Variants in LRRC55 observed in about 807,000 individuals in gnomAD.
LRRC55 encodes leucine-rich repeat-containing protein 55.
LRRC55 carries 11 observed loss-of-function variants against 20.5 expected under a neutral mutation model. That is an observed-to-expected ratio of 0.54 (90% confidence interval 0.34 to 0.89). The LOEUF is 0.89. Ranked by LOEUF, LRRC55 falls within the 40% of genes least tolerant of loss-of-function variation. The pLI is 0.02. For missense variants in LRRC55, 358 were observed against 390.9 expected, an observed-to-expected ratio of 0.92 and a Z score of 0.71; for synonymous variants, 188 against 166.6, an observed-to-expected ratio of 1.13 and a Z score of -0.99.
At chr11:57,183,654 T>C (rs578186197) in intron 1 of LRRC55, among the ~76,000 whole-genome samples, 1 of 152,314 alleles carries the variant, frequency 6.6e-6, no homozygotes, top group Non-Finnish European at 1.5e-5. Flanking sequence ...CTCCAAGACC[T>C]GGATCTCAGC....
rs142633236 is a variant in LRRC55 at position 57,187,447 on chromosome 11, C to G, written c.864C>G (p.Arg288=). 9.9e-6 allele frequency: 16 copies of G among 1,614,176 alleles called. No individual in the cohort carries two copies. Among genetic ancestry groups the G allele is most frequent in the Non-Finnish European group, 1.4e-5 (16 of 1,180,032 alleles). ...GCATCACTGCCAACTGCTGCCACCG[C>G]TGGAGCAAGGCCAGTGAAGAGGAAG... is the stretch of plus-strand genomic sequence containing the variant. ...LLGITANCCH[R]WSKASEEEEI Residue 288 remains arginine, a synonymous_variant, in exon 2 of 2, where the codon CGC becomes CGG. Transcript: ENST00000497933.
chr11:57,184,492 G>A (rs1230669262), intron 1 of LRRC55, among the ~76,000 whole-genome samples: 2 of 152,210 alleles, frequency 1.3e-5, no homozygotes, highest in African/African-American at 4.8e-5. Flanking sequence ...AGCAGTCCCA[G>A]CTGGAAAGCC....
rs1213190541 is a variant in LRRC55 at position 57,182,438 on chromosome 11, TA to T, written c.417del (p.Val140SerfsTer5). The T allele has an allele frequency of 1.2e-6, 2 of 1,612,358 alleles. No homozygotes were observed. Among genetic ancestry groups the T allele is most frequent in the Non-Finnish European group, 8.5e-7 (1 of 1,179,994 alleles). ...PADMFQEAHG[L>X]VHIDLSHNPW... is the part of the protein sequence containing the mutation. ...GACATGTTCCAGGAGGCCCATGGGC[TA>T]GTCCACATCGACCTGAGCCACAACC... On this transcript the variant is annotated frameshift_variant, in exon 1 of 2. Coordinates refer to ENST00000497933, the MANE Select transcript of LRRC55 (RefSeq NM_001005210.4). LOFTEE classifies it high-confidence loss of function.
At chr11:57,182,767 T>A in intron 1 of LRRC55, 84 bp downstream of exon 1, 1 of 1,356,358 alleles carries the variant, frequency 7.4e-7, no homozygotes. Context: ...CGGGGGAACT[T>A]AGAGCCAGAA....
intron 1 of LRRC55, among the ~76,000 whole-genome samples, chr11:57,185,775 C>T (rs1396898126): frequency 2.6e-5 from 4 of 152,140 alleles, no homozygotes; most frequent in African/African-American, 9.7e-5. Flanking sequence ...ACTACCTTTA[C>T]TTCCCAGGCA....
chr11:57,188,899 C>T lies in LRRC55; in HGVS notation c.*1419C>T, dbSNP rs1590513545. The stretch of plus-strand genomic sequence containing the variant: ...ATCCCCATTTGACAGATGAATTAAT[C>T]GTAGAGAGTTGAGTGACTTACCCAA... On this transcript the variant is annotated 3_prime_UTR_variant, in exon 2 of 2. Transcript: ENST00000497933. 6.6e-6 allele frequency: 1 copy of T among 152,148 alleles called. No homozygotes were observed. The highest frequency in any genetic ancestry group is 6.5e-5 in the Admixed American group (1 of 15,284). The allele number at this position is 152,148 out of a possible 1,614,324, so 9.4% of individuals were successfully genotyped here. A position where few individuals can be genotyped will look rare whatever the true frequency, so the allele number is the denominator to read the frequency against.
In LRRC55 at chr11:57,182,577, A is replaced by C. The variant is rs371726600; in HGVS notation, c.555A>C (p.Leu185=). 2 of 1,540,552 alleles carry C rather than the reference A, an allele frequency of 1.3e-6. No individual in the cohort carries two copies. Residue 185 remains leucine, a synonymous_variant, in exon 1 of 2, where the codon CTA becomes CTC. Coordinates refer to ENST00000497933, the MANE Select transcript of LRRC55 (RefSeq NM_001005210.4). ...AFLSLEALEG[L]PGLVTLQIGG... ...TCAGCCTGGAGGCTCTTGAGGGCCT[A>C]CCGGGGCTGGTGACCCTGCAGATCG...
intron 1 of LRRC55, among the ~76,000 whole-genome samples, chr11:57,185,647 CA>C (rs58730033): frequency 0.034 from 5,074 of 149,304 alleles, 279 homozygotes; most frequent in African/African-American, 0.12. Flanking sequence ...CCAGAAAGAC[CA>C]AAAAAAAAGA....
rs2135339828 is a variant in LRRC55, at chr11:57,190,687, C to A, written c.*3207C>A. 1 of 152,246 alleles carries A rather than the reference C, an allele frequency of 6.6e-6. No individual in the cohort carries two copies. The highest frequency in any genetic ancestry group is 2.1e-4 in the South Asian group (1 of 4,824). 9.4% of individuals were successfully genotyped at this position (152,246 alleles called of 1,614,324 possible). A position where few individuals can be genotyped will look rare whatever the true frequency, so the allele number is the denominator to read the frequency against. ...CAGTTCTCTGACATAGTCCACTCAG[C>A]CATAGGCTGAGTGGCTAAATATGCA... On this transcript the variant is annotated 3_prime_UTR_variant, in exon 2 of 2. Transcript: ENST00000497933.
In LRRC55 at chr11:57,189,213, AG is replaced by A. The variant is rs1565181619; in HGVS notation, c.*1735del. 1 of 152,224 alleles carries A rather than the reference AG, an allele frequency of 6.6e-6. No individual in the cohort carries two copies. The highest frequency in any genetic ancestry group is 1.5e-5 in the Non-Finnish European group (1 of 68,054). The allele number at this position is 152,224 out of a possible 1,614,324, so 9.4% of individuals were successfully genotyped here. ...TTTACAGATGGGGAAAAAAGTCTCAAGGTTGGATATGACTTGCTATGTGGCA... is the reference window on the plus strand; with the variant it reads ...TTTACAGATGGGGAAAAAAGTCTCAAGTTGGATATGACTTGCTATGTGGCA... On this transcript the variant is annotated 3_prime_UTR_variant, in exon 2 of 2. Coordinates refer to ENST00000497933, the MANE Select transcript of LRRC55 (RefSeq NM_001005210.4).
At position 57,182,142 on chromosome 11, in the gene LRRC55, C is replaced by G. The variant is rs145782023; in HGVS notation, c.120C>G (p.Val40=). The change falls in exon 1 of 2, where the codon GTC becomes GTG. Residue 40 remains valine (V), a synonymous_variant. Coordinates refer to ENST00000497933, the MANE Select transcript of LRRC55 (RefSeq NM_001005210.4). ...CGGATGCCGGCACCAGCTGCCCCGT[C>G]CTTTGCACATGCCGTAACCAGGTGG... ...MHSDAGTSCP[V]LCTCRNQVVD... 2.5e-6 allele frequency: 4 copies of G among 1,614,082 alleles called. No homozygotes were observed. The highest frequency in any genetic ancestry group is 3.4e-6 in the Non-Finnish European group (4 of 1,180,038).
Position 57,182,136 on chromosome 11 carries a change from C to T in LRRC55, c.114C>T (p.Cys38=). 3 of 1,614,192 alleles carry T rather than the reference C, an allele frequency of 1.9e-6. No homozygotes were observed. The highest frequency in any genetic ancestry group is 2.5e-6 in the Non-Finnish European group (3 of 1,180,040). The change falls in exon 1 of 2, where the codon TGC becomes TGT. Residue 38 remains cysteine, a synonymous_variant. Coordinates refer to ENST00000497933, the MANE Select transcript of LRRC55 (RefSeq NM_001005210.4). ...TGCACTCGGATGCCGGCACCAGCTG[C>T]CCCGTCCTTTGCACATGCCGTAACC... ...GLMHSDAGTS[C]PVLCTCRNQV... is the part of the protein sequence containing the mutation.
chr11:57,185,519 T>C (rs1423739600), intron 1 of LRRC55, among the ~76,000 whole-genome samples: 1 of 44,162 alleles, frequency 2.3e-5, no homozygotes, highest in Non-Finnish European at 4.7e-5. Context: ...GACCTCATGA[T>C]CCACCTCCAC....
At position 57,190,254 on chromosome 11, in the gene LRRC55, C is replaced by T. The variant is rs904817193; in HGVS notation, c.*2774C>T. 2 of 152,214 alleles carry T rather than the reference C, an allele frequency of 1.3e-5. No homozygotes were observed. The highest frequency in any genetic ancestry group is 2.9e-5 in the Non-Finnish European group (2 of 68,046). 9.4% of individuals were successfully genotyped at this position (152,214 alleles called of 1,614,324 possible). On this transcript the variant is annotated 3_prime_UTR_variant, in exon 2 of 2. Transcript: ENST00000497933. Reference sequence around the variant, plus strand: ...GAAAAGACACCAAATGCCCCCTTGACATCAATGTCCTTTCTAGTGGGACAA... The same window carrying T: ...GAAAAGACACCAAATGCCCCCTTGATATCAATGTCCTTTCTAGTGGGACAA...
chr11:57,186,506 A>G (rs1854433119), intron 1 of LRRC55, among the ~76,000 whole-genome samples: 1 of 152,156 alleles, frequency 6.6e-6, no homozygotes, highest in South Asian at 2.1e-4. Context: ...GTGCTATTTT[A>G]TTCAGAGTCT....
Position 57,187,368 on chromosome 11 carries a change from C to G in LRRC55, c.785C>G (p.Ala262Gly). The change falls in exon 2 of 2, where the codon GCG becomes GGG. Residue 262 changes from alanine to glycine, a missense_variant. Ala to Gly is a moderately conservative substitution (Grantham distance 60, BLOSUM62 0). This residue lies in a region of LRRC55 where 178 missense variants were observed against 207.9 expected (regional missense o/e 0.86). Transcript: ENST00000497933. ...TLTLDDYLFIAFVGFVVSIAS... is the reference protein window; with the variant it reads ...TLTLDDYLFIGFVGFVVSIAS... ...ACCCTGGATGATTACCTATTCATTG[C>G]GTTCGTGGGCTTCGTGGTCTCCATT... is the stretch of plus-strand genomic sequence containing the variant. 6.2e-7 allele frequency: 1 copy of G among 1,614,180 alleles called. No individual in the cohort carries two copies. The highest frequency in any genetic ancestry group is 8.5e-7 in the Non-Finnish European group (1 of 1,180,028).
intron 1 of LRRC55, among the ~76,000 whole-genome samples, chr11:57,185,988 AAT>A (rs1854426855): frequency 6.6e-6 from 1 of 151,076 alleles, no homozygotes; most frequent in African/African-American, 2.4e-5. Flanking sequence ...ATTGAAATAT[AAT>A]ATATGTTATA....
rs1176385488 is a variant in LRRC55 at position 57,190,383 on chromosome 11, T to C, written c.*2903T>C. 1 of 152,202 alleles carries C rather than the reference T, an allele frequency of 6.6e-6. No homozygotes were observed. Among genetic ancestry groups the C allele is most frequent in the East Asian group, 1.9e-4 (1 of 5,194 alleles). The allele number at this position is 152,202 out of a possible 1,614,324, so 9.4% of individuals were successfully genotyped here. Reference sequence around the variant, plus strand: ...AGTTCCTCAGTTTACTAGAGCACAATGAGGAAAGTATTCAACCTCCCTACT... The same window carrying C: ...AGTTCCTCAGTTTACTAGAGCACAACGAGGAAAGTATTCAACCTCCCTACT... On this transcript the variant is annotated 3_prime_UTR_variant, in exon 2 of 2. Transcript: ENST00000497933.
chr11:57,182,524 G>T lies in LRRC55; in HGVS notation c.502G>T (p.Asp168Tyr), dbSNP rs186537860. The T allele has an allele frequency of 6.3e-7, 1 of 1,591,770 alleles. No individual in the cohort carries two copies. The highest frequency in any genetic ancestry group is 2.2e-5 in the East Asian group (1 of 44,468). ...FQGLMQLRDL[D>Y]LSYGGLAFLS... ...GGGCCTCATGCAGCTCCGAGACCTG[G>T]ACCTCAGTTATGGGGGCCTGGCCTT... Residue 168 changes from aspartate to tyrosine, a missense_variant, in exon 1 of 2, where the codon GAC (aspartate) becomes TAC (tyrosine). By Grantham distance (160) the Asp-to-Tyr change is radical (BLOSUM62 -3). This residue lies in a region of LRRC55 where 178 missense variants were observed against 207.9 expected (regional missense o/e 0.86). Coordinates refer to ENST00000497933, the MANE Select transcript of LRRC55 (RefSeq NM_001005210.4).
Sources: allele counts gnomAD v4.1 joint callset (sites outside exome capture counted in the v4.1 genomes callset), GRCh38; gene constraint gnomAD v4.1.1; regional missense constraint gnomAD v4.1.1; transcripts MANE v1.5; gene names NCBI Gene and HGNC (gene_info 2026-07-23, HGNC 2026-07-21).